The following CD38 variants were observed in gnomAD, a reference collection of about 807,000 sequenced individuals.
CD38 encodes CD38 molecule.
CD38 carries 31 observed loss-of-function variants against 36.3 expected under a neutral mutation model. The observed-to-expected ratio is 0.85, with a 90% CI of 0.64 to 1.15. The LOEUF is 1.15. Among genes scored for constraint, CD38 ranks in the 50% most tolerant of loss-of-function variants. The pLI is 0.00. For synonymous variants in CD38, 131 were observed against 135.2 expected (o/e 0.97, Z 0.22); for missense variants, 380 against 371.9 (o/e 1.02, Z -0.18).
chr4:15,782,202 T>C (rs1560304314), intron 1 of CD38, among the ~76,000 whole-genome samples: 1 of 152,318 alleles, frequency 6.6e-6, no homozygotes, highest in South Asian at 2.1e-4. Flanking sequence ...ACTCAAAGCT[T>C]CAGATCCACA....
rs762612813 is a variant in CD38 at position 15,778,985 on chromosome 4, G to C, written c.233+338G>C. On this transcript the variant is annotated intron_variant, in intron 1 of 7. Coordinates refer to ENST00000226279, the MANE Select transcript of CD38 (RefSeq NM_001775.4). The surrounding 1 kb of genome is among the most constrained non-coding windows in gnomAD (Gnocchi z 4.9). ...CCGGGCTGCAGCCCACCCTCGGCGC[G>C]CTCAGCCCGCTTCACCGCTTCAGGG... is the stretch of plus-strand genomic sequence containing the variant. Among the ~76,000 whole-genome samples, 1 of 152,218 alleles carries C rather than the reference G, an allele frequency of 6.6e-6. No homozygotes were observed. Among genetic ancestry groups the C allele is most frequent in the Non-Finnish European group, 1.5e-5 (1 of 68,042 alleles).
chr4:15,789,187 A>G (rs1428195980), intron 1 of CD38, among the ~76,000 whole-genome samples: 1 of 152,226 alleles, frequency 6.6e-6, no homozygotes, highest in Non-Finnish European at 1.5e-5. Context: ...ATAAATATGT[A>G]TTGAGCTCCT....
chr4:15,824,670 T>C (rs1723807339), intron 2 of CD38, among the ~76,000 whole-genome samples: 1 of 142,060 alleles, frequency 7.0e-6, no homozygotes, highest in African/African-American at 2.8e-5. Flanking sequence ...TTCATTTACA[T>C]TGTGACCTAG....
At chr4:15,812,944 T>C (rs925622476) in intron 1 of CD38, among the ~76,000 whole-genome samples, 11 of 152,342 alleles carry the variant, frequency 7.2e-5, no homozygotes, top group Non-Finnish European at 1.5e-4. Flanking sequence ...TAGTATACAA[T>C]TGATTTTTGT....
At chr4:15,822,893 A>C (rs760616153) in intron 2 of CD38, among the ~76,000 whole-genome samples, 2 of 152,210 alleles carry the variant, frequency 1.3e-5, no homozygotes, top group Non-Finnish European at 2.9e-5. Flanking sequence ...AAGCAAAAAG[A>C]ACAAAGCTGG....
chr4:15,791,605 C>A (rs1375746525), intron 1 of CD38, among the ~76,000 whole-genome samples: 1 of 91,320 alleles, frequency 1.1e-5, no homozygotes, highest in African/African-American at 6.5e-5. Context: ...CCCGGCCAGC[C>A]GCCCCGTCCG....
chr4:15,831,568 CT>C (rs148433334), intron 3 of CD38, among the ~76,000 whole-genome samples: 8,910 of 149,266 alleles, frequency 0.06, 362 homozygotes, highest in East Asian at 0.18. Context: ...AGAGTAAAAA[CT>C]TTTTTTTTTG....
intron 1 of CD38, among the ~76,000 whole-genome samples, chr4:15,779,425 C>T (rs1193316722): frequency 2.0e-5 from 3 of 152,174 alleles, no homozygotes; most frequent in South Asian, 2.1e-4. Flanking sequence ...AGGGAACAAC[C>T]ACTTTTTGGA....
chr4:15,809,570 T>G (rs1423533296), intron 1 of CD38, among the ~76,000 whole-genome samples: 1 of 152,156 alleles, frequency 6.6e-6, no homozygotes, highest in African/African-American at 2.4e-5. Flanking sequence ...TTTCCAAAGC[T>G]CTTCAGGTGA....
At chr4:15,837,940 G>C (rs1254356869) in intron 4 of CD38, 152 bp from the exon 5 acceptor site, 10 of 632,318 alleles carry the variant, frequency 1.6e-5, no homozygotes, top group Non-Finnish European at 1.1e-5. Flanking sequence ...CAGTGGCTTG[G>C]AATAAAAATT....
chr4:15,781,523 C>T (rs892112532), intron 1 of CD38, among the ~76,000 whole-genome samples: 1 of 152,188 alleles, frequency 6.6e-6, no homozygotes, highest in South Asian at 2.1e-4. Flanking sequence ...CCTGGAGACC[C>T]AGGGAAGAGT....
In CD38 at chr4:15,853,085, T is replaced by A. The variant is rs1254817981; in HGVS notation, c.*4483T>A. The stretch of plus-strand genomic sequence containing the variant: ...ACACATTACCATTCTCTAATCAGAA[T>A]GCAAGTAGCGCAAGGCGGTGGAAAC... On this transcript the variant is annotated 3_prime_UTR_variant, in exon 8 of 8. Transcript: ENST00000226279. The A allele has an allele frequency of 1.3e-5, 2 of 152,206 alleles. No individual in the cohort carries two copies. Among genetic ancestry groups the A allele is most frequent in the Non-Finnish European group, 2.9e-5 (2 of 68,044 alleles). 9.4% of individuals were successfully genotyped at this position (152,206 alleles called of 1,614,324 possible).
At chr4:15,807,310 G>C (rs1268735794) in intron 1 of CD38, among the ~76,000 whole-genome samples, 4 of 152,164 alleles carry the variant, frequency 2.6e-5, no homozygotes, top group Non-Finnish European at 5.9e-5. Flanking sequence ...GAATGAGAAG[G>C]CTGAAGCTGT....
intron 1 of CD38, among the ~76,000 whole-genome samples, chr4:15,787,262 T>G (rs10004415): frequency 6.6e-6 from 1 of 152,118 alleles, no homozygotes; most frequent in African/African-American, 2.4e-5. Context: ...TCTCCTCTCA[T>G]TAGGGTTGGG....
chr4:15,791,515 C>T (rs1722989036), intron 1 of CD38, among the ~76,000 whole-genome samples: 1 of 73,112 alleles, frequency 1.4e-5, no homozygotes. Flanking sequence ...GCCGCCCAGT[C>T]CGGGAGGGAG....
At chr4:15,779,151 AGGAGGG>A (rs1478609910) in intron 1 of CD38, among the ~76,000 whole-genome samples, 1 of 152,168 alleles carries the variant, frequency 6.6e-6, no homozygotes, top group East Asian at 1.9e-4. Context: ...GTGGTAGGGG[AGGAGGG>A]TGTAGAAGGG....
intron 1 of CD38, among the ~76,000 whole-genome samples, chr4:15,788,364 A>G (rs895303405): frequency 6.6e-6 from 1 of 152,180 alleles, no homozygotes; most frequent in East Asian, 1.9e-4. Flanking sequence ...GTTGTTTGTC[A>G]GCCGAAACAG....
intron 1 of CD38, among the ~76,000 whole-genome samples, chr4:15,786,617 T>C (rs1173604870): frequency 6.6e-6 from 1 of 152,230 alleles, no homozygotes; most frequent in African/African-American, 2.4e-5. Flanking sequence ...ATCCCTTAGC[T>C]AGACATAAAT....
intron 1 of CD38, among the ~76,000 whole-genome samples, chr4:15,804,733 T>A (rs1577643575): frequency 6.6e-6 from 1 of 152,158 alleles, no homozygotes; most frequent in African/African-American, 2.4e-5. Flanking sequence ...CTCAGAGAAG[T>A]AGAGAGTAGA....
Sources: allele counts gnomAD v4.1 joint callset (sites outside exome capture counted in the v4.1 genomes callset), GRCh38; gene constraint gnomAD v4.1.1; non-coding constraint Gnocchi (gnomAD v3.1); transcripts MANE v1.5; gene names NCBI Gene and HGNC (gene_info 2026-07-23, HGNC 2026-07-21).